Variants in GABRB2 observed in about 807,000 individuals in gnomAD.
GABRB2 encodes gamma-aminobutyric acid type A receptor subunit beta2.
A neutral mutation model predicts 54.7 loss-of-function variants in GABRB2; 16 were observed. The observed-to-expected ratio is 0.29, with a 90% CI of 0.20 to 0.44. The LOEUF (loss-of-function observed/expected upper bound fraction) is 0.44. GABRB2 is among the 20% of genes least tolerant of loss of function. The pLI is 1.00. For synonymous variants in GABRB2, 244 were observed against 233.8 expected (o/e 1.04, Z -0.40); for missense variants, 355 against 644.0 (o/e 0.55, Z 4.86).
Position 161,392,895 on chromosome 5 carries a change from G to C in GABRB2, c.541+18080C>G, listed in dbSNP as rs150843801. On this transcript the variant is annotated intron_variant, in intron 5 of 9. Coordinates refer to ENST00000393959, the MANE Select transcript of GABRB2 (RefSeq NM_001371727.1). Reference sequence around the variant, plus strand: ...ATTATTAATGGGTTGACATTTATGTGACAGAGTGCATTATTCTTGTATATT... The same window carrying C: ...ATTATTAATGGGTTGACATTTATGTCACAGAGTGCATTATTCTTGTATATT... Among the ~76,000 whole-genome samples the C allele has an allele frequency of 7.4e-3, 1,131 of 152,148 alleles. 15 individuals carry two copies. Among genetic ancestry groups the C allele is most frequent in the African/African-American group, 0.025 (1,023 of 41,508 alleles).
At chr5:161,434,363 T>C (rs1421206249) in intron 4 of GABRB2, among the ~76,000 whole-genome samples, 1 of 152,196 alleles carries the variant, frequency 6.6e-6, no homozygotes, top group African/African-American at 2.4e-5. Flanking sequence ...AATTTGATCA[T>C]GTACTCTCTG....
At chr5:161,404,389 A>G (rs891744460) in intron 5 of GABRB2, among the ~76,000 whole-genome samples, 27 of 152,054 alleles carry the variant, frequency 1.8e-4, no homozygotes, top group African/African-American at 6.3e-4. Flanking sequence ...GCCTCACTGT[A>G]GTTTTACAGC....
At chr5:161,377,884 T>A (rs1755355881) in intron 5 of GABRB2, among the ~76,000 whole-genome samples, 1 of 152,082 alleles carries the variant, frequency 6.6e-6, no homozygotes, top group South Asian at 2.1e-4. Context: ...ATTTTATATA[T>A]GTTTAATTTG....
Position 161,336,699 on chromosome 5 carries a change from T to C in GABRB2, c.612A>G (p.Lys204=). 1 of 1,613,528 alleles carries C rather than the reference T, an allele frequency of 6.2e-7. No homozygotes were observed. Among genetic ancestry groups the C allele is most frequent in the Non-Finnish European group, 8.5e-7 (1 of 1,179,720 alleles). The change falls in exon 6 of 10, where the codon AAA becomes AAG. Residue 204 remains lysine (K), a synonymous_variant. Transcript: ENST00000393959. The part of the protein sequence containing the change: ...GDDNAVTGVT[K]IELPQFSIVD... The stretch of plus-strand genomic sequence containing the variant: ...CAATAGAGAACTGTGGAAGTTCAAT[T>C]TTCGTTACTCCTGTTACTGCATTAT...
At chr5:161,526,895 C>A (rs17463239) in intron 3 of GABRB2, among the ~76,000 whole-genome samples, 2 of 151,074 alleles carry the variant, frequency 1.3e-5, no homozygotes, top group Non-Finnish European at 3.0e-5. Flanking sequence ...AGGAAACATA[C>A]CGTGTCCTTC....
chr5:161,478,830 A>G (rs1178269938), intron 3 of GABRB2, among the ~76,000 whole-genome samples: 1 of 152,074 alleles, frequency 6.6e-6, no homozygotes, highest in Non-Finnish European at 1.5e-5. Context: ...AGTGTGAGGA[A>G]ACTGGCAGAG....
At chr5:161,299,235 T>C (rs1209953979) in intron 9 of GABRB2, among the ~76,000 whole-genome samples, 2 of 152,222 alleles carry the variant, frequency 1.3e-5, no homozygotes, top group Admixed American at 6.5e-5. Flanking sequence ...CCCATTTCTG[T>C]ATGGGAAACC....
chr5:161,448,763 A>G (rs1170573037), intron 4 of GABRB2, among the ~76,000 whole-genome samples: 2 of 152,198 alleles, frequency 1.3e-5, no homozygotes, highest in African/African-American at 2.4e-5. Flanking sequence ...AAAGTGTAAC[A>G]AAATGACCTT....
intron 4 of GABRB2, among the ~76,000 whole-genome samples, chr5:161,436,942 C>A (rs1345228409): frequency 1.3e-5 from 2 of 152,112 alleles, no homozygotes; most frequent in Non-Finnish European, 2.9e-5. Flanking sequence ...AGCATTTAAA[C>A]CAGCCCTAGC....
intron 3 of GABRB2, among the ~76,000 whole-genome samples, chr5:161,514,005 G>T (rs1759859077): frequency 6.6e-6 from 1 of 151,918 alleles, no homozygotes; most frequent in African/African-American, 2.4e-5. Flanking sequence ...AGTCATTTTT[G>T]GCCACATTTC....
chr5:161,516,883 T>C (rs1759967208), intron 3 of GABRB2, among the ~76,000 whole-genome samples: 1 of 152,162 alleles, frequency 6.6e-6, no homozygotes, highest in Non-Finnish European at 1.5e-5. Flanking sequence ...TGAAAAACAT[T>C]GGTACCCATG....
At position 161,305,201 on chromosome 5, in the gene GABRB2, A is replaced by G. The variant is rs539527613; in HGVS notation, c.1192-10773T>C. 9.8e-4 allele frequency among the ~76,000 whole-genome samples: 148 copies of G among 151,516 alleles called. 1 individual carries two copies. The highest frequency in any genetic ancestry group is 3.5e-3 in the African/African-American group (145 of 41,362). ...CCGGCTAATTTTTTGTATTTTTAGT[A>G]GAGACGGGGTTTCACCCTGTTAGCC... On this transcript the variant is annotated intron_variant, in intron 9 of 9. Coordinates refer to ENST00000393959, the MANE Select transcript of GABRB2 (RefSeq NM_001371727.1).
intron 3 of GABRB2, among the ~76,000 whole-genome samples, chr5:161,473,687 A>T (rs1758510299): frequency 6.6e-6 from 1 of 151,958 alleles, no homozygotes; most frequent in Non-Finnish European, 1.5e-5. Flanking sequence ...AGATTGTATG[A>T]ATACATTTTT....
At chr5:161,412,397 G>A (rs543011706) in intron 4 of GABRB2, among the ~76,000 whole-genome samples, 3 of 152,134 alleles carry the variant, frequency 2.0e-5, no homozygotes, top group South Asian at 2.1e-4. Flanking sequence ...CTGCTGCACC[G>A]ATTCCTTACC....
intron 5 of GABRB2, among the ~76,000 whole-genome samples, chr5:161,382,155 G>A (rs1361611968): frequency 6.6e-6 from 1 of 152,156 alleles, no homozygotes; most frequent in East Asian, 1.9e-4. Context: ...AAAGAAGGGG[G>A]AAGAACAGGG....
chr5:161,488,313 T>A (rs1407437372), intron 3 of GABRB2, among the ~76,000 whole-genome samples: 4 of 151,448 alleles, frequency 2.6e-5, no homozygotes, highest in African/African-American at 4.8e-5. Context: ...CATACTGATA[T>A]GGACATTTAG....
At chr5:161,481,424 C>T (rs776527174) in intron 3 of GABRB2, among the ~76,000 whole-genome samples, 37 of 151,948 alleles carry the variant, frequency 2.4e-4, no homozygotes, top group Admixed American at 9.9e-4. Context: ...ACAGAGGTAC[C>T]GGGACCGTAT....
At chr5:161,547,738 G>A (rs991713723), upstream of GABRB2, among the ~76,000 whole-genome samples, 2 of 152,092 alleles carry the variant, frequency 1.3e-5, no homozygotes, top group Non-Finnish European at 2.9e-5. Context: ...AGGTGCGGGG[G>A]ACTGGAGGGC....
intron 9 of GABRB2, among the ~76,000 whole-genome samples, chr5:161,306,431 T>C (rs1757693636): frequency 6.6e-6 from 1 of 152,230 alleles, no homozygotes; most frequent in Non-Finnish European, 1.5e-5. Context: ...TTTTTCCATA[T>C]ATTCCTACTC....
Sources: allele counts gnomAD v4.1 joint callset (sites outside exome capture counted in the v4.1 genomes callset), GRCh38; gene constraint gnomAD v4.1.1; transcripts MANE v1.5; gene names NCBI Gene and HGNC (gene_info 2026-07-23, HGNC 2026-07-21).